CS: variants seen among roughly 807,000 people sequenced by gnomAD.
CS encodes the protein citrate synthase.
CS carries 13 observed loss-of-function variants against 61.4 expected under a neutral mutation model. That is an observed-to-expected ratio of 0.21 (90% CI 0.14 to 0.34). The LOEUF (loss-of-function observed/expected upper bound fraction) is 0.34, where lower values mean the gene tolerates loss of function less well. Ranked by LOEUF, CS falls within the 10% of genes least tolerant of loss-of-function variation. The pLI, the probability that CS is intolerant of heterozygous loss-of-function variation, is 1.00. For synonymous variants in CS, 159 were observed against 215.2 expected (o/e 0.74, Z 2.29); for missense variants, 278 against 573.4 (o/e 0.48, Z 5.26).
intron 1 of CS, among the ~76,000 whole-genome samples, chr12:56,292,465 A>G (rs1275414496): frequency 1.3e-5 from 2 of 151,940 alleles, no homozygotes; most frequent in Non-Finnish European, 2.9e-5. Context: ...ATTCCAGCCA[A>G]TGGAAACTGG....
At chr12:56,293,237 G>A (rs1344006951) in intron 1 of CS, among the ~76,000 whole-genome samples, 2 of 152,144 alleles carry the variant, frequency 1.3e-5, no homozygotes, top group Non-Finnish European at 2.9e-5. Context: ...AATTTTCTTT[G>A]ATTCTCCATC....
chr12:56,278,172 C>T (rs1872676877), intron 6 of CS, among the ~76,000 whole-genome samples: 1 of 152,154 alleles, frequency 6.6e-6, no homozygotes, highest in Non-Finnish European at 1.5e-5. Flanking sequence ...ACCCTGTCGC[C>T]CAGGCTGGAG....
intron 1 of CS, among the ~76,000 whole-genome samples, chr12:56,292,233 T>TA (rs1371150150): frequency 8.0e-5 from 12 of 150,380 alleles, no homozygotes; most frequent in South Asian, 2.1e-4. Flanking sequence ...CCGTCTCTAT[T>TA]AAAAAATACA....
At chr12:56,291,179 T>C (rs1873112958) in intron 1 of CS, 1 of 1,034,600 alleles carries the variant, frequency 9.7e-7, no homozygotes, top group Non-Finnish European at 1.3e-6. Flanking sequence ...CTGAATTCAG[T>C]AAATATTTGT....
Position 56,272,049 on chromosome 12 carries a change from C to G in CS, c.*1035G>C. The G allele has an allele frequency of 2.6e-6, 1 of 381,938 alleles. No individual in the cohort carries two copies. Among genetic ancestry groups the G allele is most frequent in the Non-Finnish European group, 5.2e-6 (1 of 191,264 alleles). The allele number at this position is 381,938 out of a possible 1,614,324, so 23.7% of individuals were successfully genotyped here. A position where few individuals can be genotyped will look rare whatever the true frequency, so the allele number is the denominator to read the frequency against. ...GGCAGGGGACGAGGAGGGAGGCTTACTATTTTTAATGCCCTCAGCCCCAGT... is the reference window on the plus strand; with the variant it reads ...GGCAGGGGACGAGGAGGGAGGCTTAGTATTTTTAATGCCCTCAGCCCCAGT... On this transcript the variant is annotated 3_prime_UTR_variant, in exon 11 of 11. Transcript: ENST00000351328.
At chr12:56,273,818 GAT>G in intron 9 of CS, 22 bp from the exon 10 acceptor site, 1 of 1,577,266 alleles carries the variant, frequency 6.3e-7, no homozygotes, top group Admixed American at 1.7e-5. Flanking sequence ...GAGGAAAAAA[GAT>G]AGTATTCTCA....
chr12:56,292,904 A>C (rs1454478942), intron 1 of CS, among the ~76,000 whole-genome samples: 1 of 150,698 alleles, frequency 6.6e-6, no homozygotes. Context: ...ACTCTGTCTC[A>C]AAAAAAAAGG....
chr12:56,297,514 C>T lies in CS; in HGVS notation c.42+2646G>A, dbSNP rs1274130230. On this transcript the variant is annotated intron_variant, in intron 1 of 10. Transcript: ENST00000351328. ...GGTTAAAAAAATTCGCCAGTCTGGC[C>T]AATATGGTGAAACCCCGTCTCTACC... 2.6e-5 allele frequency among the ~76,000 whole-genome samples: 4 copies of T among 152,056 alleles called. No individual in the cohort carries two copies. In the South Asian group the frequency reaches 6.2e-4, roughly 24 times the overall value.
intron 1 of CS, chr12:56,298,705 G>A (rs1289031585): frequency 1.0e-6 from 1 of 984,114 alleles, no homozygotes; most frequent in African/African-American, 1.7e-5. Flanking sequence ...GAAGAACCAA[G>A]GTAAATCTTA....
intron 1 of CS, among the ~76,000 whole-genome samples, chr12:56,295,594 T>C (rs1258706421): frequency 1.3e-5 from 2 of 152,128 alleles, no homozygotes; most frequent in East Asian, 3.9e-4. Context: ...ATAAAGAATA[T>C]AGGATCTGTC....
chr12:56,284,319 C>CAAAAAAAAAAAAAAAAAAAAAAAAAA, intron 3 of CS, among the ~76,000 whole-genome samples: 1 of 73,362 alleles, frequency 1.4e-5, no homozygotes, highest in Non-Finnish European at 2.7e-5. Flanking sequence ...AACTCCATCT[C>CAAAAAAAAAAAAAAAAAAAAAAAAAA]AAAAAAAAAA....
chr12:56,292,730 C>CA (rs531365770), intron 1 of CS, among the ~76,000 whole-genome samples: 6,716 of 56,812 alleles, frequency 0.12, 200 homozygotes, highest in Middle Eastern at 0.15. Context: ...TAAAAAAATA[C>CA]AAAAAAAAAA....
intron 1 of CS, among the ~76,000 whole-genome samples, chr12:56,296,076 T>C (rs1310959897): frequency 6.6e-6 from 1 of 150,562 alleles, no homozygotes; most frequent in Non-Finnish European, 1.5e-5. Flanking sequence ...AATCTGAAGG[T>C]AGGATCCAGG....
In CS at chr12:56,271,742, C is replaced by A; in HGVS notation, c.*1342G>T. ...TTATTTTGCATTTTATACAGAACAA[C>A]CTGAAGTCTCCATCATGACTTGACA... On this transcript the variant is annotated 3_prime_UTR_variant, in exon 11 of 11. Transcript: ENST00000351328. The A allele has an allele frequency of 5.5e-6, 2 of 360,488 alleles. No homozygotes were observed. Among genetic ancestry groups the A allele is most frequent in the Non-Finnish European group, 5.5e-6 (1 of 181,974 alleles). 22.3% of individuals were successfully genotyped at this position (360,488 alleles called of 1,614,324 possible).
In CS at chr12:56,273,716, G is replaced by A; in HGVS notation, c.1101C>T (p.His367=). The A allele has an allele frequency of 6.2e-7, 1 of 1,614,192 alleles. No homozygotes were observed. Among genetic ancestry groups the A allele is most frequent in the Non-Finnish European group, 8.5e-7 (1 of 1,180,036 alleles). The change falls in exon 10 of 11, where the codon CAC becomes CAT. Residue 367 remains histidine (H), a synonymous_variant. Transcript: ENST00000351328. ...ACTTAAACATGGGGTCATTAGGCAG[G>A]TGTTTCAGAGCAAACTCTCGCTGAC... ...YTCQREFALK[H]LPNDPMFKLV...
At chr12:56,286,090 G>T in intron 2 of CS, 67 bp from the exon 3 acceptor site, 1 of 1,402,722 alleles carries the variant, frequency 7.1e-7, no homozygotes, top group Non-Finnish European at 1.0e-6. Flanking sequence ...CAAAGTAGGT[G>T]TGTCAAGAAT....
rs1416538284 is a variant in CS at position 56,282,400 on chromosome 12, AC to A, written c.588+19del. Reference sequence around the variant, plus strand: ...TTTGAATCCCCATCACACACCGATCACCCCACCCAAATTTCCTACCTCCCAG... The same window carrying A: ...TTTGAATCCCCATCACACACCGATCACCCACCCAAATTTCCTACCTCCCAG... On this transcript the variant is annotated intron_variant, in intron 6 of 10. Coordinates refer to ENST00000351328, the MANE Select transcript of CS (RefSeq NM_004077.3). 5.8e-6 allele frequency: 9 copies of A among 1,557,356 alleles called. No homozygotes were observed. Among genetic ancestry groups the A allele is most frequent in the African/African-American group, 2.7e-5 (2 of 73,336 alleles).
At position 56,273,022 on chromosome 12, in the gene CS, A is replaced by C; in HGVS notation, c.*62T>G. 1 of 1,335,514 alleles carries C rather than the reference A, an allele frequency of 7.5e-7. No homozygotes were observed. Among genetic ancestry groups the C allele is most frequent in the Non-Finnish European group, 1.0e-6 (1 of 967,578 alleles). The allele number at this position is 1,335,514 out of a possible 1,614,324, so 82.7% of individuals were successfully genotyped here. The stretch of plus-strand genomic sequence containing the variant: ...AGTCTTTAAAGGCCCCCTGAAACAA[A>C]AGTATACTTTTTATTTAGGCTTCCT... On this transcript the variant is annotated 3_prime_UTR_variant, in exon 11 of 11. Transcript: ENST00000351328.
Position 56,287,631 on chromosome 12 carries a change from A to G in CS, c.43-986T>C, listed in dbSNP as rs1302945646. On this transcript the variant is annotated intron_variant, in intron 1 of 10. Transcript: ENST00000351328. ...TGTTAAGTTGCAATAAAAGTTCCAC[A>G]CCAACTTTGTGAGTTTTCTTTTTCC... Among the ~76,000 whole-genome samples the G allele has an allele frequency of 3.9e-5, 6 of 152,058 alleles. 1 individual carries two copies. Among genetic ancestry groups the G allele is most frequent in the Admixed American group, 3.9e-4 (6 of 15,228 alleles).
Sources: allele counts gnomAD v4.1 joint callset (sites outside exome capture counted in the v4.1 genomes callset), GRCh38; gene constraint gnomAD v4.1.1; transcripts MANE v1.5; gene names NCBI Gene and HGNC (gene_info 2026-07-23, HGNC 2026-07-21).